CNTNAP5: variants seen among roughly 807,000 people sequenced by gnomAD.
CNTNAP5 encodes the protein contactin associated protein family member 5.
CNTNAP5 carries 72 observed loss-of-function variants against 150.2 expected under a neutral mutation model. The observed-to-expected ratio is 0.48, with a 90% CI of 0.40 to 0.58. The LOEUF (loss-of-function observed/expected upper bound fraction) is 0.58. Among genes scored for constraint, CNTNAP5 ranks in the 20% least tolerant of loss-of-function variants. The pLI is 0.00. For synonymous variants in CNTNAP5, 672 were observed against 619.8 expected (o/e 1.08, Z -1.25); for missense variants, 1,636 against 1,626.2 (o/e 1.01, Z -0.10).
chr2:124,686,228 C>T (rs1279927166), intron 13 of CNTNAP5, among the ~76,000 whole-genome samples: 1 of 152,078 alleles, frequency 6.6e-6, no homozygotes, highest in Non-Finnish European at 1.5e-5. Flanking sequence ...GAGAGGTACA[C>T]AGACACTAGA....
chr2:124,096,820 C>A (rs1433291333), intron 1 of CNTNAP5, among the ~76,000 whole-genome samples: 1 of 152,066 alleles, frequency 6.6e-6, no homozygotes, highest in Non-Finnish European at 1.5e-5. Context: ...TCCCCTGCCT[C>A]AACCTCCCGA....
intron 19 of CNTNAP5, among the ~76,000 whole-genome samples, chr2:124,830,256 A>G (rs1005707547): frequency 3.3e-5 from 5 of 152,072 alleles, no homozygotes; most frequent in African/African-American, 7.2e-5. Context: ...AGATTATTAT[A>G]AAATAATAAT....
At chr2:124,261,090 G>A (rs1344166233) in intron 3 of CNTNAP5, among the ~76,000 whole-genome samples, 1 of 151,808 alleles carries the variant, frequency 6.6e-6, no homozygotes, top group African/African-American at 2.4e-5. Flanking sequence ...TTTCTTTATG[G>A]CAATTTAAGA....
At chr2:124,819,307 T>C (rs999219168) in intron 19 of CNTNAP5, among the ~76,000 whole-genome samples, 92 of 152,250 alleles carry the variant, frequency 6.0e-4, no homozygotes, top group African/African-American at 2.2e-3. Context: ...ACTGAATGAT[T>C]GAAAGTCTGG....
chr2:124,281,732 G>A (rs1021660842), intron 3 of CNTNAP5, among the ~76,000 whole-genome samples: 3 of 152,074 alleles, frequency 2.0e-5, no homozygotes, highest in African/African-American at 4.8e-5. Flanking sequence ...TTTCTGCAGT[G>A]GTTTCACAAG....
chr2:124,244,335 G>T (rs1447054946), intron 3 of CNTNAP5, among the ~76,000 whole-genome samples: 3 of 152,206 alleles, frequency 2.0e-5, no homozygotes, highest in Middle Eastern at 3.4e-3. Context: ...TAGACACATG[G>T]CAGGAACTTA....
chr2:124,498,151 T>C (rs1371756488), intron 7 of CNTNAP5, among the ~76,000 whole-genome samples: 3 of 152,214 alleles, frequency 2.0e-5, no homozygotes, highest in African/African-American at 7.2e-5. Flanking sequence ...TCTGGTTTAG[T>C]GGCAGAATGG....
intron 1 of CNTNAP5, among the ~76,000 whole-genome samples, chr2:124,220,142 C>CT (rs148801585): frequency 0.023 from 3,463 of 151,166 alleles, 131 homozygotes; most frequent in African/African-American, 0.078. Context: ...TGTAAATGTT[C>CT]TTTAAAAAAA....
chr2:124,188,716 CAAAAA>C (rs70996047), intron 1 of CNTNAP5, among the ~76,000 whole-genome samples: 6 of 73,076 alleles, frequency 8.2e-5, no homozygotes, highest in South Asian at 6.6e-4. Context: ...GACTCTGTCT[CAAAAA>C]AAAAAAAAAA....
At chr2:124,434,818 T>A in intron 5 of CNTNAP5, 131 bp downstream of exon 5, 1 of 754,422 alleles carries the variant, frequency 1.3e-6, no homozygotes, top group Admixed American at 2.6e-5. Context: ...TTGGTGGGGA[T>A]AGAAATGTTT....
intron 1 of CNTNAP5, among the ~76,000 whole-genome samples, chr2:124,178,294 T>C (rs1178731301): frequency 1.3e-5 from 2 of 152,240 alleles, no homozygotes; most frequent in African/African-American, 4.8e-5. Context: ...CACCCTCATT[T>C]ACCCAGGCAT....
chr2:124,317,017 A>G (rs1688983822), intron 3 of CNTNAP5, among the ~76,000 whole-genome samples: 1 of 152,086 alleles, frequency 6.6e-6, no homozygotes. Flanking sequence ...TCTGGGTTTT[A>G]GAAAGGTTAT....
chr2:124,125,545 G>A (rs1683671646), intron 1 of CNTNAP5, among the ~76,000 whole-genome samples: 1 of 152,180 alleles, frequency 6.6e-6, no homozygotes, highest in Non-Finnish European at 1.5e-5. Context: ...ATTGAACTCA[G>A]ATCTGCACCA....
intron 19 of CNTNAP5, among the ~76,000 whole-genome samples, chr2:124,864,565 T>C (rs1425752307): frequency 1.3e-5 from 1 of 78,696 alleles, no homozygotes; most frequent in Non-Finnish European, 2.3e-5. Context: ...TCTCTGTCTC[T>C]CTGTGTCTCA....
intron 8 of CNTNAP5, among the ~76,000 whole-genome samples, chr2:124,512,928 GC>G (rs1573426489): frequency 1.3e-5 from 2 of 152,108 alleles, no homozygotes; most frequent in Non-Finnish European, 2.9e-5. Context: ...TCATCCTGTA[GC>G]TATGGTCAAC....
intron 1 of CNTNAP5, among the ~76,000 whole-genome samples, chr2:124,192,860 C>T (rs141891946): frequency 1.3e-5 from 2 of 152,252 alleles, no homozygotes; most frequent in East Asian, 3.9e-4. Flanking sequence ...TTATCATTTA[C>T]AATAGGACTG....
At chr2:124,588,643 T>C (rs528740475) in intron 11 of CNTNAP5, among the ~76,000 whole-genome samples, 7 of 152,300 alleles carry the variant, frequency 4.6e-5, no homozygotes, top group African/African-American at 1.7e-4. Context: ...TATTATTATG[T>C]AAATCTCATA....
chr2:124,120,908 G>T (rs996444323), intron 1 of CNTNAP5, among the ~76,000 whole-genome samples: 2 of 152,118 alleles, frequency 1.3e-5, no homozygotes, highest in African/African-American at 4.8e-5. Flanking sequence ...TTAAGTTGAG[G>T]AAGGCATGTG....
intron 10 of CNTNAP5, among the ~76,000 whole-genome samples, chr2:124,538,241 C>T (rs754186354): frequency 6.6e-6 from 1 of 152,168 alleles, no homozygotes; most frequent in Admixed American, 6.6e-5. Context: ...AATCCCAGCA[C>T]TTTGGGAAAC....
Sources: allele counts gnomAD v4.1 joint callset (sites outside exome capture counted in the v4.1 genomes callset), GRCh38; gene constraint gnomAD v4.1.1; transcripts MANE v1.5; gene names NCBI Gene and HGNC (gene_info 2026-07-23, HGNC 2026-07-21).